Variants in GRK3 observed in about 807,000 individuals in gnomAD.
The protein encoded by GRK3 is adrenergic, beta, receptor kinase 2.
GRK3 carries 54 observed loss-of-function variants against 95.7 expected under a neutral mutation model. The ratio of observed to expected loss-of-function variants is 0.56; its 90% confidence interval spans 0.45 to 0.71. The LOEUF (loss-of-function observed/expected upper bound fraction) is 0.71, where lower values mean the gene tolerates loss of function less well. GRK3 is among the 30% of genes least tolerant of loss of function. The probability of loss-of-function intolerance (pLI) is 0.00; values close to 1 mark genes in which losing one functional copy is unlikely to be tolerated. For synonymous variants in GRK3, 281 were observed against 290.8 expected (o/e 0.97, Z 0.34); for missense variants, 649 against 851.2 (o/e 0.76, Z 2.96).
chr22:25,681,761 G>A (rs1326143254), intron 9 of GRK3, among the ~76,000 whole-genome samples: 2 of 152,092 alleles, frequency 1.3e-5, no homozygotes, highest in East Asian at 1.9e-4. Context: ...CAAAATGTAA[G>A]CTATTTTGTT....
intron 1 of GRK3, among the ~76,000 whole-genome samples, chr22:25,584,072 A>G (rs1932200109): frequency 6.6e-6 from 1 of 152,246 alleles, no homozygotes; most frequent in African/African-American, 2.4e-5. Flanking sequence ...TGGGGGCAGA[A>G]GTAGGGAAGT....
intron 2 of GRK3, among the ~76,000 whole-genome samples, chr22:25,641,866 G>T (rs1319724193): frequency 6.6e-6 from 1 of 152,222 alleles, no homozygotes. Context: ...TCCAGAGGAC[G>T]TGGGTAGGCT....
intron 8 of GRK3, among the ~76,000 whole-genome samples, chr22:25,677,315 G>A (rs577542266): frequency 1.1e-4 from 16 of 142,058 alleles, no homozygotes; most frequent in African/African-American, 3.6e-4. Context: ...GTTTGAGGCT[G>A]TAATGAGGTA....
At chr22:25,619,649 AGTTTTT>A (rs1336055123) in intron 2 of GRK3, among the ~76,000 whole-genome samples, 3 of 127,064 alleles carry the variant, frequency 2.4e-5, no homozygotes, top group African/African-American at 9.2e-5. Flanking sequence ...ATACCTGGCT[AGTTTTT>A]TTTTTTTTTT....
At chr22:25,687,753 G>A (rs1667183942) in intron 11 of GRK3, 86 bp downstream of exon 11, 1 of 1,479,312 alleles carries the variant, frequency 6.8e-7, no homozygotes, top group Non-Finnish European at 9.3e-7. Flanking sequence ...ATAGAGTCCT[G>A]TCATTTTCCT....
intron 1 of GRK3, chr22:25,580,157 G>A (rs562170852): frequency 1.3e-5 from 2 of 152,364 alleles, no homozygotes; most frequent in South Asian, 2.1e-4. Flanking sequence ...TTATAGGGAA[G>A]CAACAGACAG....
In GRK3 at chr22:25,607,082, G is replaced by A. The variant is rs369834914; in HGVS notation, c.190+2629G>A. 5.9e-5 allele frequency among the ~76,000 whole-genome samples: 9 copies of A among 152,224 alleles called. No individual in the cohort carries two copies. The East Asian group carries it at 1.7e-3, about 29-fold the overall frequency. On this transcript the variant is annotated intron_variant, in intron 2 of 20. Coordinates refer to ENST00000324198, the MANE Select transcript of GRK3 (RefSeq NM_005160.4). ...ACCCCATATGTATGTATATGTATGT[G>A]TTTGTGTGTGTGTGTGTATATATAT...
chr22:25,716,952 C>T (rs953658435), intron 18 of GRK3, among the ~76,000 whole-genome samples: 1 of 152,106 alleles, frequency 6.6e-6, no homozygotes, highest in East Asian at 1.9e-4. Flanking sequence ...GTTACGTGCT[C>T]CTTATGAGAA....
In GRK3 at chr22:25,580,211, T is replaced by A. The variant is rs1307439668; in HGVS notation, c.113+15058T>A. The A allele has an allele frequency of 2.6e-5, 4 of 152,114 alleles. No homozygotes were observed. In the East Asian group the frequency reaches 5.8e-4, roughly 22 times the overall value. 9.4% of individuals were successfully genotyped at this position (152,114 alleles called of 1,614,324 possible). A position where few individuals can be genotyped will look rare whatever the true frequency, so the allele number is the denominator to read the frequency against. ...TGGCTTCCTCGGCTTCCTCAGGGGG[T>A]CACTGCAGATAAAGGTCAGGGGTGG... On this transcript the variant is annotated intron_variant, in intron 1 of 20. Transcript: ENST00000324198.
At chr22:25,649,805 T>G (rs1569179434) in intron 3 of GRK3, among the ~76,000 whole-genome samples, 1 of 152,126 alleles carries the variant, frequency 6.6e-6, no homozygotes, top group African/African-American at 2.4e-5. Context: ...ATAAACAGGA[T>G]CTCAAACTTG....
At chr22:25,616,031 G>A (rs1293113151) in intron 2 of GRK3, among the ~76,000 whole-genome samples, 2 of 150,080 alleles carry the variant, frequency 1.3e-5, no homozygotes, top group Non-Finnish European at 2.9e-5. Context: ...GTTGGGGTGA[G>A]GGTGGAGAGT....
rs577220617 is a variant in GRK3 at position 25,604,429 on chromosome 22, G to C, written c.166G>C (p.Asp56His). The C allele has an allele frequency of 3.5e-5, 57 of 1,611,468 alleles. 1 individual carries two copies. In the South Asian group the frequency reaches 6.2e-4, roughly 17 times the overall value. The part of the protein sequence containing the change: ...YLAERNEITF[D>H]KIFNQKIGFL... ...TGCAGAGAGAAATGAAATAACCTTT[G>C]ACAAGATTTTCAATCAGAAAATTGG... Residue 56 changes from aspartate (D) to histidine (H), a missense_variant, in exon 2 of 21, where the codon GAC becomes CAC. Asp to His is a moderately conservative substitution (Grantham distance 81). This residue lies in a region of GRK3 where 206 missense variants were observed against 231.4 expected (regional missense o/e 0.89). Transcript: ENST00000324198.
chr22:25,661,591 A>G lies in GRK3; in HGVS notation c.280A>G (p.Lys94Glu). The change falls in exon 4 of 21, where the codon AAA becomes GAA. Residue 94 changes from lysine to glutamate, a missense_variant. By Grantham distance (56) the Lys-to-Glu change is moderately conservative. Transcript: ENST00000324198. The stretch of plus-strand genomic sequence containing the variant: ...AAAAACCTAGATAAAGGAATATGAA[A>G]AACTTGATAATGAGGAAGACCGCCT... Reference protein sequence around the residue: ...KFYEEIKEYEKLDNEEDRLCR... With the variant: ...KFYEEIKEYEELDNEEDRLCR... 2 of 1,610,726 alleles carry G rather than the reference A, an allele frequency of 1.2e-6. No homozygotes were observed. The highest frequency in any genetic ancestry group is 1.7e-6 in the Non-Finnish European group (2 of 1,177,714).
At chr22:25,699,155 T>G (rs1009613735) in intron 13 of GRK3, among the ~76,000 whole-genome samples, 3 of 152,096 alleles carry the variant, frequency 2.0e-5, no homozygotes, top group Non-Finnish European at 4.4e-5. Context: ...AAGGGGATAA[T>G]GCCACCTGTT....
At chr22:25,699,127 A>G (rs2146449366) in intron 13 of GRK3, among the ~76,000 whole-genome samples, 1 of 152,292 alleles carries the variant, frequency 6.6e-6, no homozygotes, top group African/African-American at 2.4e-5. Context: ...AGGAGCCCTC[A>G]CTGCCTCAGC....
intron 3 of GRK3, among the ~76,000 whole-genome samples, chr22:25,651,724 A>C (rs190116668): frequency 2.4e-4 from 37 of 152,364 alleles, no homozygotes; most frequent in Non-Finnish European, 4.3e-4. Flanking sequence ...AACTGAATGG[A>C]GCAGTTCCTT....
At chr22:25,598,021 C>A (rs925920822) in intron 1 of GRK3, among the ~76,000 whole-genome samples, 4 of 152,114 alleles carry the variant, frequency 2.6e-5, no homozygotes, top group African/African-American at 4.8e-5. Flanking sequence ...TTTGGATCTC[C>A]ACAAAGAAAT....
In GRK3 at chr22:25,714,451, T is replaced by G. The variant is rs2085367659; in HGVS notation, c.1535T>G (p.Val512Gly). The change falls in exon 18 of 21, where the codon GTC (valine) becomes GGC (glycine). Residue 512 changes from valine to glycine, a missense_variant. Transcript: ENST00000324198. ...DQELYKNFPL[V>G]ISERWQQEVT... The stretch of plus-strand genomic sequence containing the variant: ...GAACTCTACAAGAACTTCCCTTTGG[T>G]CATCTCTGAACGCTGGCAGCAAGAA... The G allele has an allele frequency of 6.2e-7, 1 of 1,613,454 alleles. No homozygotes were observed. The highest frequency in any genetic ancestry group is 8.5e-7 in the Non-Finnish European group (1 of 1,179,844).
chr22:25,621,284 T>C (rs542956977), intron 2 of GRK3, among the ~76,000 whole-genome samples: 6 of 152,282 alleles, frequency 3.9e-5, no homozygotes, highest in Non-Finnish European at 7.3e-5. Flanking sequence ...GTGAAGTTCC[T>C]TGGTTTTATT....
Sources: allele counts gnomAD v4.1 joint callset (sites outside exome capture counted in the v4.1 genomes callset), GRCh38; gene constraint gnomAD v4.1.1; regional missense constraint gnomAD v4.1.1; transcripts MANE v1.5; gene names NCBI Gene and HGNC (gene_info 2026-07-23, HGNC 2026-07-21).